NSL1: variants seen among roughly 807,000 people sequenced by gnomAD.
The protein encoded by NSL1 is NSL1 component of MIS12 kinetochore complex.
Under a neutral mutation model 25.4 loss-of-function variants are expected in NSL1, and 11 were observed. That is an observed-to-expected ratio of 0.43 (90% CI 0.27 to 0.72). The LOEUF (loss-of-function observed/expected upper bound fraction) is 0.72. Among genes scored for constraint, NSL1 ranks in the 30% least tolerant of loss-of-function variants. NSL1 has a pLI of 0.19. For synonymous variants in NSL1, 118 were observed against 120.6 expected (o/e 0.98, Z 0.14); for missense variants, 330 against 342.7 (o/e 0.96, Z 0.29).
chr1:212,731,921 TC>T lies in NSL1; in HGVS notation c.*6486del, dbSNP rs1658030999. On this transcript the variant is annotated 3_prime_UTR_variant, in exon 6 of 6. Coordinates refer to ENST00000366977, the MANE Select transcript of NSL1 (RefSeq NM_015471.4). ...CCAGGACCCAGCAGCTATAAGGGCC[TC>T]CACACCCCACCTTACTGCTTTAACC... The T allele has an allele frequency of 1.0e-6, 1 of 985,196 alleles. No individual in the cohort carries two copies. The highest frequency in any genetic ancestry group is 6.2e-5 in the Admixed American group (1 of 16,246). The allele number at this position is 985,196 out of a possible 1,614,324, so 61.0% of individuals were successfully genotyped here. A position where few individuals can be genotyped will look rare whatever the true frequency, so the allele number is the denominator to read the frequency against.
intron 4 of NSL1, among the ~76,000 whole-genome samples, chr1:212,767,993 C>T (rs1659898312): frequency 6.6e-6 from 1 of 152,150 alleles, no homozygotes; most frequent in Admixed American, 6.5e-5. Flanking sequence ...TTAGTACAAC[C>T]ACTATTGAAA....
intron 4 of NSL1, among the ~76,000 whole-genome samples, chr1:212,757,483 TCA>T (rs1437890156): frequency 6.6e-6 from 1 of 152,198 alleles, no homozygotes; most frequent in Non-Finnish European, 1.5e-5. Context: ...TTTAATTGGC[TCA>T]CAGTTCGGCA....
chr1:212,750,849 G>A (rs541490603), intron 4 of NSL1, among the ~76,000 whole-genome samples: 1 of 152,230 alleles, frequency 6.6e-6, no homozygotes, highest in East Asian at 1.9e-4. Flanking sequence ...GCTGAGGTGG[G>A]AGGATGGCTT....
rs544888127 is a variant in NSL1 at position 212,738,077 on chromosome 1, G to C, written c.*331C>G. Reference sequence around the variant, plus strand: ...ATACCAGGGAAACACAACAGAATTTGTTACTTGTTAAATCCCACAAAAGCT... The same window carrying C: ...ATACCAGGGAAACACAACAGAATTTCTTACTTGTTAAATCCCACAAAAGCT... On this transcript the variant is annotated 3_prime_UTR_variant, in exon 6 of 6. Coordinates refer to ENST00000366977, the MANE Select transcript of NSL1 (RefSeq NM_015471.4). 267 of 1,003,472 alleles carry C rather than the reference G, an allele frequency of 2.7e-4. 4 individuals carry two copies. In the South Asian group the frequency reaches 0.011, roughly 40 times the overall value. The allele number at this position is 1,003,472 out of a possible 1,614,324, so 62.2% of individuals were successfully genotyped here. A position where few individuals can be genotyped will look rare whatever the true frequency, so the allele number is the denominator to read the frequency against.
At chr1:212,786,416 TAA>T (rs928101496) in intron 2 of NSL1, among the ~76,000 whole-genome samples, 14 of 141,752 alleles carry the variant, frequency 9.9e-5, no homozygotes, top group African/African-American at 7.8e-5. Context: ...CACAATTAGT[TAA>T]AAAAAAAAAA....
rs1392237075 is a variant in NSL1, at chr1:212,752,258, T to G, written c.500-12657A>C. Among the ~76,000 whole-genome samples, 3 of 152,224 alleles carry G rather than the reference T, an allele frequency of 2.0e-5. No individual in the cohort carries two copies. The East Asian group carries it at 5.8e-4, about 29-fold the overall frequency. On this transcript the variant is annotated intron_variant, in intron 4 of 5. Coordinates refer to ENST00000366977, the MANE Select transcript of NSL1 (RefSeq NM_015471.4). ...GCCTAGAAACATATTTATTTATTTA[T>G]TTATACATTTTTTTCCCAGTGGGAA...
Position 212,728,626 on chromosome 1 carries a change from G to C in NSL1, c.*9782C>G. 7 of 985,418 alleles carry C rather than the reference G, an allele frequency of 7.1e-6. No homozygotes were observed. Among genetic ancestry groups the C allele is most frequent in the Non-Finnish European group, 8.4e-6 (7 of 829,928 alleles). 61.0% of individuals were successfully genotyped at this position (985,418 alleles called of 1,614,324 possible). ...AAAAAATGGTTTCTGAGAATTCTGA[G>C]GCTCTGATCTGATGAGTGAAGGGAA... On this transcript the variant is annotated 3_prime_UTR_variant, in exon 6 of 6. Coordinates refer to ENST00000366977, the MANE Select transcript of NSL1 (RefSeq NM_015471.4).
At chr1:212,754,110 G>A (rs1036650080) in intron 4 of NSL1, among the ~76,000 whole-genome samples, 4 of 152,188 alleles carry the variant, frequency 2.6e-5, no homozygotes, top group Non-Finnish European at 1.5e-5. Flanking sequence ...ATTTTAAGCA[G>A]AGGACTGAAA....
chr1:212,772,222 T>C (rs550760640), intron 4 of NSL1, among the ~76,000 whole-genome samples: 1 of 152,170 alleles, frequency 6.6e-6, no homozygotes, highest in African/African-American at 2.4e-5. Context: ...GAAAACAGAC[T>C]AGTACAGGAT....
intron 4 of NSL1, among the ~76,000 whole-genome samples, chr1:212,772,688 A>G (rs7555930): frequency 0.64 from 96,521 of 149,772 alleles, 31,121 homozygotes; most frequent in Non-Finnish European, 0.68. Flanking sequence ...AAAAAAGAAA[A>G]AAAGAAAGAA....
At position 212,728,163 on chromosome 1, in the gene NSL1, A is replaced by C; in HGVS notation, c.*10245T>G. 1.1e-6 allele frequency: 1 copy of C among 937,020 alleles called. No individual in the cohort carries two copies. Among genetic ancestry groups the C allele is most frequent in the Non-Finnish European group, 1.3e-6 (1 of 785,858 alleles). 58.0% of individuals were successfully genotyped at this position (937,020 alleles called of 1,614,324 possible). ...TCTTGAGGATTAAAAGAGATGGTGC[A>C]TGTGAAGCTTTTAGCATGATCATGG... is the stretch of plus-strand genomic sequence containing the variant. On this transcript the variant is annotated 3_prime_UTR_variant, in exon 6 of 6. Transcript: ENST00000366977.
In NSL1 at chr1:212,729,185, G is replaced by GT; in HGVS notation, c.*9222dup. The GT allele has an allele frequency of 1.0e-6, 1 of 985,446 alleles. No individual in the cohort carries two copies. Among genetic ancestry groups the GT allele is most frequent in the Non-Finnish European group, 1.2e-6 (1 of 829,932 alleles). 61.0% of individuals were successfully genotyped at this position (985,446 alleles called of 1,614,324 possible). ...CTTGCAAGCAGGTAATTCCACAGAAGTTTCCAAACCCATGAGTTTCACTCT... is the reference window on the plus strand; with the variant it reads ...CTTGCAAGCAGGTAATTCCACAGAAGTTTTCCAAACCCATGAGTTTCACTCT... On this transcript the variant is annotated 3_prime_UTR_variant, in exon 6 of 6. Transcript: ENST00000366977.
At chr1:212,784,278 C>A in intron 3 of NSL1, 85 bp downstream of exon 3, 1 of 872,780 alleles carries the variant, frequency 1.1e-6, no homozygotes, top group South Asian at 2.1e-5. Flanking sequence ...AACAAAATGT[C>A]ACTTATCTCC....
chr1:212,764,621 A>G (rs1029013442), intron 4 of NSL1, among the ~76,000 whole-genome samples: 2 of 152,076 alleles, frequency 1.3e-5, no homozygotes, highest in Admixed American at 6.6e-5. Flanking sequence ...CAAGGCAGGC[A>G]TATCACTTGA....
chr1:212,772,098 G>T (rs188588656), intron 4 of NSL1, among the ~76,000 whole-genome samples: 1 of 152,086 alleles, frequency 6.6e-6, no homozygotes, highest in Non-Finnish European at 1.5e-5. Flanking sequence ...AAGAAGTGCC[G>T]TTTGTCTTCT....
chr1:212,739,840 C>T (rs1411458719), intron 4 of NSL1, among the ~76,000 whole-genome samples: 1 of 151,996 alleles, frequency 6.6e-6, no homozygotes, highest in African/African-American at 2.4e-5. Context: ...ACTGTGTGCC[C>T]CTAAAAGAGA....
rs1463593807 is a variant in NSL1 at position 212,730,504 on chromosome 1, T to C, written c.*7904A>G. The C allele has an allele frequency of 5.1e-6, 5 of 985,340 alleles. No homozygotes were observed. Among genetic ancestry groups the C allele is most frequent in the Non-Finnish European group, 6.0e-6 (5 of 829,914 alleles). 61.0% of individuals were successfully genotyped at this position (985,340 alleles called of 1,614,324 possible). A position where few individuals can be genotyped will look rare whatever the true frequency, so the allele number is the denominator to read the frequency against. ...TGAGTAAGGCTAGTCAAGGTGATGA[T>C]AGAAATGCCCAATCTTTTACACAGG... On this transcript the variant is annotated 3_prime_UTR_variant, in exon 6 of 6. Transcript: ENST00000366977.
rs371971177 is a variant in NSL1, at chr1:212,771,247, G to C, written c.499+11125C>G. ...GAGAATCACTTGAATCTGGGAGGCA[G>C]AGGTTGCGGTGAGCTGAGATTGTGC... On this transcript the variant is annotated intron_variant, in intron 4 of 5. Transcript: ENST00000366977. 6.6e-5 allele frequency among the ~76,000 whole-genome samples: 10 copies of C among 152,326 alleles called. No homozygotes were observed. In the East Asian group the frequency reaches 9.6e-4, roughly 15 times the overall value.
chr1:212,776,952 CA>C (rs1660402096), intron 4 of NSL1, among the ~76,000 whole-genome samples: 1 of 150,014 alleles, frequency 6.7e-6, no homozygotes, highest in African/African-American at 2.4e-5. Context: ...GGGAACCTCA[CA>C]AAAACAGGAG....
Sources: gnomAD v4.1 joint callset for allele counts (sites outside exome capture counted in the v4.1 genomes callset) on GRCh38, gnomAD v4.1.1 for gene constraint, MANE v1.5 for transcripts, NCBI Gene and HGNC (gene_info 2026-07-23, HGNC 2026-07-21) for gene names.